CCZ1B: variants seen among roughly 807,000 people sequenced by gnomAD.
CCZ1B encodes CCZ1B vacuolar protein trafficking and biogenesis associated.
Under a neutral mutation model 58.8 loss-of-function variants are expected in CCZ1B, and 25 were observed. That is an observed-to-expected ratio of 0.43 (90% CI 0.31 to 0.59). The LOEUF (loss-of-function observed/expected upper bound fraction) is 0.59, where lower values mean the gene tolerates loss of function less well. Ranked by LOEUF, CCZ1B falls within the 20% of genes least tolerant of loss-of-function variation. The pLI is 0.12. For missense variants in CCZ1B, 180 were observed against 501.5 expected (o/e 0.36, Z 6.12); for synonymous variants, 66 against 173.2 (o/e 0.38, Z 4.86).
intron 7 of CCZ1B, among the ~76,000 whole-genome samples, chr7:6,818,613 A>C (rs1241696509): frequency 3.0e-5 from 4 of 131,412 alleles, no homozygotes; most frequent in East Asian, 4.5e-4. Context: ...GAAAGAAAGA[A>C]AGACAAGAAA....
chr7:6,820,417 T>C (rs1201737583), intron 6 of CCZ1B, among the ~76,000 whole-genome samples: 1 of 149,202 alleles, frequency 6.7e-6, no homozygotes, highest in Non-Finnish European at 1.5e-5. Flanking sequence ...TGACTCGTGA[T>C]CTGCCTGCCT....
At chr7:6,801,708 TG>T (rs1341581137) in intron 12 of CCZ1B, 185 bp from the exon 13 acceptor site, 5 of 47,814 alleles carry the variant, frequency 1.0e-4, no homozygotes, top group African/African-American at 4.2e-4. Context: ...CCTGAGTAGC[TG>T]GGATTACAGG....
At chr7:6,822,104 G>C (rs534551964) in intron 6 of CCZ1B, among the ~76,000 whole-genome samples, 177 bp downstream of exon 6, 1 of 149,716 alleles carries the variant, frequency 6.7e-6, no homozygotes, top group South Asian at 2.1e-4. Flanking sequence ...GAAGGTTCCA[G>C]AGCACACGCC....
At chr7:6,825,640 ACCAC>A (rs1562434149) in intron 1 of CCZ1B, among the ~76,000 whole-genome samples, 1 of 85,854 alleles carries the variant, frequency 1.2e-5, no homozygotes, top group Admixed American at 1.4e-4. Flanking sequence ...CCTCAGAAAA[ACCAC>A]ACACACACAC....
intron 11 of CCZ1B, 61 bp downstream of exon 11, chr7:6,805,940 TAAG>T: frequency 6.8e-7 from 1 of 1,465,338 alleles, no homozygotes; most frequent in Middle Eastern, 1.8e-4. Context: ...ATTTATCACT[TAAG>T]AATAGGATGC....
At chr7:6,822,141 T>C in intron 6 of CCZ1B, 140 bp downstream of exon 6, 6 of 1,270,302 alleles carry the variant, frequency 4.7e-6, no homozygotes, top group Non-Finnish European at 6.4e-6. Context: ...TGCTCCAGTT[T>C]TGCGACGGTC....
At chr7:6,816,967 C>G (rs1783012342) in intron 7 of CCZ1B, among the ~76,000 whole-genome samples, 1 of 151,976 alleles carries the variant, frequency 6.6e-6, no homozygotes, top group Admixed American at 6.5e-5. Context: ...TCTCACTATG[C>G]TGCCCAGGCT....
intron 7 of CCZ1B, among the ~76,000 whole-genome samples, chr7:6,815,512 G>A (rs948613502): frequency 1.3e-5 from 2 of 148,678 alleles, no homozygotes; most frequent in Non-Finnish European, 3.0e-5. Flanking sequence ...CGCCCAGGCT[G>A]GATTACAGTG....
At chr7:6,823,483 A>ATAG (rs1254509407) in intron 4 of CCZ1B, 123 bp from the exon 5 acceptor site, 8 of 1,361,976 alleles carry the variant, frequency 5.9e-6, no homozygotes, top group Non-Finnish European at 7.8e-6. Flanking sequence ...TCATCCCACA[A>ATAG]TAGTTGCGTG....
chr7:6,818,695 CA>C lies in CCZ1B; in HGVS notation c.698+1070del, dbSNP rs1562431482. On this transcript the variant is annotated intron_variant, in intron 7 of 14. Transcript: ENST00000316731. Reference sequence around the variant, plus strand: ...AAAGAAAGAAAGAAAGAAAGAAAGACAAGAAAGAAAGAAAGACAAGAAAGAA... The same window carrying C: ...AAAGAAAGAAAGAAAGAAAGAAAGACAGAAAGAAAGAAAGACAAGAAAGAA... 6.1e-4 allele frequency among the ~76,000 whole-genome samples: 36 copies of C among 59,474 alleles called. 3 individuals are homozygous for C. The South Asian group carries it at 0.011, about 18-fold the overall frequency. The allele number at this position is 59,474 out of a possible 152,430, so 39.0% of individuals were successfully genotyped here. A position where few individuals can be genotyped will look rare whatever the true frequency, so the allele number is the denominator to read the frequency against.
chr7:6,809,834 G>C (rs1228557308), intron 10 of CCZ1B, among the ~76,000 whole-genome samples: 1 of 144,640 alleles, frequency 6.9e-6, no homozygotes, highest in Non-Finnish European at 1.5e-5. Context: ...CAGCAGACCT[G>C]AAGAGCCTTA....
chr7:6,819,279 AGGCTGG>A (rs1783071174), intron 7 of CCZ1B, among the ~76,000 whole-genome samples: 1 of 144,258 alleles, frequency 6.9e-6, no homozygotes, highest in Non-Finnish European at 1.5e-5. Flanking sequence ...CTCTGTTGCC[AGGCTGG>A]GGTACAGTGG....
intron 8 of CCZ1B, among the ~76,000 whole-genome samples, chr7:6,813,914 C>T (rs1178702865): frequency 4.7e-5 from 7 of 148,276 alleles, no homozygotes; most frequent in South Asian, 2.1e-4. Flanking sequence ...GGGAAGCTGA[C>T]GCAGGTCAAT....
intron 14 of CCZ1B, among the ~76,000 whole-genome samples, chr7:6,800,570 G>C (rs1340971734): frequency 7.3e-6 from 1 of 136,256 alleles, no homozygotes; most frequent in Non-Finnish European, 1.5e-5. Context: ...TCTAGAGGCT[G>C]AGGTGGGAGG....
chr7:6,814,597 T>G (rs1477922088), intron 8 of CCZ1B, 167 bp downstream of exon 8: 3 of 501,748 alleles, frequency 6.0e-6, no homozygotes, highest in Non-Finnish European at 1.1e-5. Flanking sequence ...GGAGGAGAGC[T>G]GCATGTGGTT....
At chr7:6,821,690 A>G (rs1263797235) in intron 6 of CCZ1B, among the ~76,000 whole-genome samples, 4 of 151,444 alleles carry the variant, frequency 2.6e-5, no homozygotes, top group Non-Finnish European at 4.4e-5. Flanking sequence ...CCTGGGCAAA[A>G]CAGCCAAGAC....
intron 7 of CCZ1B, among the ~76,000 whole-genome samples, chr7:6,816,474 G>A (rs1261566043): frequency 1.4e-5 from 2 of 147,714 alleles, no homozygotes; most frequent in Non-Finnish European, 3.0e-5. Context: ...AAGCAAATGA[G>A]ACTCAGTCTC....
intron 7 of CCZ1B, among the ~76,000 whole-genome samples, chr7:6,818,440 C>T (rs886184672): frequency 2.0e-5 from 3 of 148,368 alleles, no homozygotes; most frequent in Non-Finnish European, 3.0e-5. Flanking sequence ...TCCCAGCTAC[C>T]TGGGAGGCTG....
At chr7:6,808,305 G>A (rs1391596700) in intron 10 of CCZ1B, among the ~76,000 whole-genome samples, 2 of 121,404 alleles carry the variant, frequency 1.6e-5, no homozygotes, top group African/African-American at 5.4e-5. Flanking sequence ...CACTCACTGG[G>A]CTGTCCACAT....
Sources: allele counts gnomAD v4.1 joint callset (sites outside exome capture counted in the v4.1 genomes callset), GRCh38; gene constraint gnomAD v4.1.1; transcripts MANE v1.5; gene names NCBI Gene and HGNC (gene_info 2026-07-23, HGNC 2026-07-21).